The following SIPA1L3 variants were observed in gnomAD, a reference collection of about 807,000 sequenced individuals.
The protein encoded by SIPA1L3 is signal-induced proliferation-associated 1-like protein 3.
In SIPA1L3, 59 loss-of-function variants were observed where a neutral mutation model predicts 150.1. That is an observed-to-expected ratio of 0.39 (90% CI 0.32 to 0.49). The LOEUF is 0.49. Ranked by LOEUF, SIPA1L3 falls within the 20% of genes least tolerant of loss-of-function variation. SIPA1L3 has a pLI of 0.86. For missense variants in SIPA1L3, 2,211 were observed against 2,489.5 expected (o/e 0.89, Z 2.38); for synonymous variants, 1,070 against 1,077.6 (o/e 0.99, Z 0.14).
intron 1 of SIPA1L3, among the ~76,000 whole-genome samples, chr19:37,936,373 T>C (rs542684767): frequency 6.6e-6 from 1 of 152,328 alleles, no homozygotes; most frequent in East Asian, 1.9e-4. Flanking sequence ...CATTCACTTA[T>C]CAACTGTTTA....
At chr19:38,138,897 C>CAAAA (rs3045988) in intron 10 of SIPA1L3, among the ~76,000 whole-genome samples, 3 of 44,132 alleles carry the variant, frequency 6.8e-5, no homozygotes, top group African/African-American at 3.2e-4. Flanking sequence ...GACTCTATCT[C>CAAAA]AAAAAAAAAA....
intron 10 of SIPA1L3, 90 bp from the exon 11 acceptor site, chr19:38,141,094 T>A (rs1017489204): frequency 1.6e-6 from 2 of 1,244,134 alleles, no homozygotes; most frequent in African/African-American, 3.1e-5. Flanking sequence ...CCATCCCGGT[T>A]TATATTGGGC....
intron 3 of SIPA1L3, among the ~76,000 whole-genome samples, chr19:38,086,258 A>G (rs1970129476): frequency 6.6e-6 from 1 of 152,226 alleles, no homozygotes; most frequent in African/African-American, 2.4e-5. Flanking sequence ...GGATCAAATA[A>G]AGATCAAATA....
chr19:38,120,801 G>A (rs1217235812), intron 9 of SIPA1L3, among the ~76,000 whole-genome samples: 1 of 152,220 alleles, frequency 6.6e-6, no homozygotes, highest in Non-Finnish European at 1.5e-5. Flanking sequence ...GAAGTACTCA[G>A]GCCCCATCTA....
chr19:38,080,285 C>G (rs992114604), intron 2 of SIPA1L3, among the ~76,000 whole-genome samples: 3 of 152,192 alleles, frequency 2.0e-5, no homozygotes, highest in South Asian at 4.1e-4. Flanking sequence ...GGACAATAGT[C>G]TGGCCTCTGC....
intron 15 of SIPA1L3, among the ~76,000 whole-genome samples, chr19:38,172,605 C>CT (rs1972352351): frequency 6.6e-6 from 1 of 152,104 alleles, no homozygotes; most frequent in Non-Finnish European, 1.5e-5. Context: ...TGAGGGTGAA[C>CT]TTACTCTCAA....
rs116362317 is a variant in SIPA1L3, at chr19:38,011,998, C to G, written c.-378-17091C>G. 6.8e-3 allele frequency among the ~76,000 whole-genome samples: 1,034 copies of G among 151,986 alleles called. 12 individuals are homozygous for G. The highest frequency in any genetic ancestry group is 0.019 in the African/African-American group (784 of 41,426). ...GGACAGGAAGGATTCTCCCATGTGT[C>G]TGCATCATTGCTGGATCCCTGCTGA... On this transcript the variant is annotated intron_variant, in intron 1 of 21. Transcript: ENST00000222345.
chr19:38,188,333 C>T (rs1421872112), intron 16 of SIPA1L3, among the ~76,000 whole-genome samples: 4 of 151,672 alleles, frequency 2.6e-5, no homozygotes, highest in Non-Finnish European at 4.4e-5. Flanking sequence ...TATAGGTGCC[C>T]GCCAGCATGC....
intron 1 of SIPA1L3, among the ~76,000 whole-genome samples, chr19:38,007,430 T>G (rs1455978153): frequency 7.7e-6 from 1 of 129,904 alleles, no homozygotes; most frequent in Non-Finnish European, 1.5e-5. Flanking sequence ...TCCAGTGCAG[T>G]GCAAAAGTGA....
intron 1 of SIPA1L3, among the ~76,000 whole-genome samples, chr19:38,017,158 A>C (rs896359187): frequency 1.3e-5 from 2 of 152,056 alleles, no homozygotes; most frequent in Non-Finnish European, 2.9e-5. Context: ...CGGCCTCCCA[A>C]AGTGCTGGGA....
chr19:38,047,843 C>A lies in SIPA1L3; in HGVS notation c.-311+18687C>A, dbSNP rs1568519389. Reference sequence around the variant, plus strand: ...ACAGAGCAGCTGCAGGAGTGCCAGGCTGGGCTTTCTGGTCCTGTCTCTCAT... The same window carrying A: ...ACAGAGCAGCTGCAGGAGTGCCAGGATGGGCTTTCTGGTCCTGTCTCTCAT... On this transcript the variant is annotated intron_variant, in intron 2 of 21. Transcript: ENST00000222345. This position sits in a 1 kb window ranked among gnomAD's most constrained non-coding sequence, Gnocchi z 4.7. 6.6e-6 allele frequency among the ~76,000 whole-genome samples: 1 copy of A among 152,190 alleles called. No homozygotes were observed. The highest frequency in any genetic ancestry group is 1.5e-5 in the Non-Finnish European group (1 of 68,026).
In SIPA1L3 at chr19:38,166,903, G is replaced by A. The variant is rs1972223289; in HGVS notation, c.4208+1997G>A. ...AGACTTCTGACCACAGTCCACAGTA[G>A]AATTGTGTCCATCTATACAGAAATA... On this transcript the variant is annotated intron_variant, in intron 15 of 21. Coordinates refer to ENST00000222345, the MANE Select transcript of SIPA1L3 (RefSeq NM_015073.3). Among the ~76,000 whole-genome samples the A allele has an allele frequency of 2.0e-5, 3 of 151,164 alleles. No homozygotes were observed. In the Admixed American group the frequency reaches 2.0e-4, roughly 10 times the overall value.
intron 1 of SIPA1L3, among the ~76,000 whole-genome samples, chr19:37,935,283 G>T (rs2046590622): frequency 6.6e-6 from 1 of 152,218 alleles, no homozygotes; most frequent in Non-Finnish European, 1.5e-5. Flanking sequence ...TGAAAGGACA[G>T]TTCATGTTTT....
chr19:38,181,170 T>A (rs1306340656), intron 15 of SIPA1L3, among the ~76,000 whole-genome samples: 1 of 152,214 alleles, frequency 6.6e-6, no homozygotes, highest in Non-Finnish European at 1.5e-5. Context: ...GCATACATGC[T>A]TCTCAAATTG....
chr19:37,922,947 T>C (rs2046469388), intron 1 of SIPA1L3, among the ~76,000 whole-genome samples: 1 of 146,398 alleles, frequency 6.8e-6, no homozygotes, highest in Admixed American at 6.8e-5. Context: ...GCTAATACGG[T>C]GAAACCCTGT....
intron 1 of SIPA1L3, among the ~76,000 whole-genome samples, chr19:37,911,869 G>A (rs566767213): frequency 3.8e-4 from 57 of 151,788 alleles, no homozygotes; most frequent in African/African-American, 1.3e-3. Flanking sequence ...AGGAGATCGA[G>A]ACCATCCTGG....
intron 15 of SIPA1L3, among the ~76,000 whole-genome samples, chr19:38,167,008 G>A (rs1014192819): frequency 7.9e-5 from 12 of 152,186 alleles, no homozygotes; most frequent in African/African-American, 2.6e-4. Context: ...GCCAAGGCAA[G>A]CGGATCACAA....
chr19:38,197,080 G>A lies in SIPA1L3; in HGVS notation c.4841-1309G>A, dbSNP rs144304493. On this transcript the variant is annotated intron_variant, in intron 18 of 21. Coordinates refer to ENST00000222345, the MANE Select transcript of SIPA1L3 (RefSeq NM_015073.3). Reference sequence around the variant, plus strand: ...GTGAGCCCAGGCAAGGCAGCGCCTCGCTCGGGTCTCAGTTTTCCTCTTCCA... The same window carrying A: ...GTGAGCCCAGGCAAGGCAGCGCCTCACTCGGGTCTCAGTTTTCCTCTTCCA... 1.9e-3 allele frequency among the ~76,000 whole-genome samples: 294 copies of A among 152,224 alleles called. 1 individual carries two copies. Among genetic ancestry groups the A allele is most frequent in the African/African-American group, 6.1e-3 (255 of 41,514 alleles).
At chr19:37,999,932 A>G (rs1452296426) in intron 1 of SIPA1L3, among the ~76,000 whole-genome samples, 1 of 152,208 alleles carries the variant, frequency 6.6e-6, no homozygotes, top group African/African-American at 2.4e-5. Context: ...GATGCCCTGG[A>G]TTCAAATCCC....
Sources: allele counts gnomAD v4.1 joint callset (sites outside exome capture counted in the v4.1 genomes callset), GRCh38; gene constraint gnomAD v4.1.1; non-coding constraint Gnocchi (gnomAD v3.1); transcripts MANE v1.5; gene names NCBI Gene and HGNC (gene_info 2026-07-23, HGNC 2026-07-21).